CSMD1: variants seen among roughly 807,000 people sequenced by gnomAD.
CSMD1 encodes the protein CUB and Sushi multiple domains 1, also known as CUB and sushi domain-containing protein 1.
A neutral mutation model predicts 417.5 loss-of-function variants in CSMD1; 213 were observed. The ratio of observed to expected loss-of-function variants is 0.51; its 90% CI spans 0.46 to 0.57. CSMD1 has a LOEUF of 0.57. Ranked by LOEUF, CSMD1 falls within the 20% of genes least tolerant of loss-of-function variation. The pLI is 0.00. For missense variants in CSMD1, 6,923 were observed against 4,529.7 expected (o/e 1.53, Z -15.17); for synonymous variants, 2,862 against 1,736.8 (o/e 1.65, Z -16.11).
intron 1 of CSMD1, among the ~76,000 whole-genome samples, chr8:4,910,913 T>A (rs7008247): frequency 2.6e-5 from 4 of 151,942 alleles, no homozygotes; most frequent in African/African-American, 4.8e-5. Context: ...TGGGAGGTAA[T>A]TGAATCATGG....
intron 3 of CSMD1, among the ~76,000 whole-genome samples, chr8:4,092,527 T>C (rs542701240): frequency 9.8e-4 from 150 of 152,308 alleles, no homozygotes; most frequent in Non-Finnish European, 9.6e-4. Flanking sequence ...AAAAAAAGAA[T>C]AGAAGTATTT....
intron 6 of CSMD1, among the ~76,000 whole-genome samples, chr8:3,748,946 T>C (rs964172948): frequency 1.3e-5 from 2 of 152,202 alleles, no homozygotes; most frequent in Admixed American, 1.3e-4. Flanking sequence ...TACAAACACT[T>C]ACTTTCATGA....
intron 12 of CSMD1, among the ~76,000 whole-genome samples, chr8:3,441,076 G>A (rs866863777): frequency 3.9e-5 from 6 of 152,158 alleles, no homozygotes; most frequent in Non-Finnish European, 7.3e-5. Flanking sequence ...GGAGAAAACA[G>A]ACACCAAGAG....
At chr8:4,362,539 T>C (rs555131116) in intron 3 of CSMD1, among the ~76,000 whole-genome samples, 2 of 152,344 alleles carry the variant, frequency 1.3e-5, no homozygotes, top group East Asian at 1.9e-4. Flanking sequence ...ACAGGATCTT[T>C]AATTTATTGT....
intron 1 of CSMD1, among the ~76,000 whole-genome samples, chr8:4,990,368 C>CT (rs1414850902): frequency 4.4e-5 from 3 of 68,824 alleles, no homozygotes; most frequent in Admixed American, 1.9e-4. Context: ...AAGGGGTTCA[C>CT]ATTTTTTTTT....
chr8:4,666,646 T>C (rs1363382021), intron 1 of CSMD1, among the ~76,000 whole-genome samples: 2 of 152,170 alleles, frequency 1.3e-5, no homozygotes, highest in East Asian at 1.9e-4. Context: ...AACAGGAAAA[T>C]AGTAAATAAT....
intron 3 of CSMD1, among the ~76,000 whole-genome samples, chr8:4,229,971 C>A (rs1476349578): frequency 6.6e-6 from 1 of 152,124 alleles, no homozygotes; most frequent in East Asian, 1.9e-4. Flanking sequence ...CGTCCTAAAG[C>A]CGACATTATA....
At chr8:4,450,983 C>G (rs1044356077) in intron 2 of CSMD1, among the ~76,000 whole-genome samples, 2 of 151,440 alleles carry the variant, frequency 1.3e-5, no homozygotes, top group African/African-American at 2.4e-5. Flanking sequence ...TATTTGGGTA[C>G]TGAATTGACA....
intron 7 of CSMD1, among the ~76,000 whole-genome samples, chr8:3,685,540 G>C (rs73497620): frequency 1.3e-5 from 2 of 152,036 alleles, no homozygotes; most frequent in Non-Finnish European, 2.9e-5. Flanking sequence ...TATATAACAG[G>C]AAGAAAAATG....
At chr8:3,512,153 A>G (rs535492734) in intron 10 of CSMD1, among the ~76,000 whole-genome samples, 2 of 152,234 alleles carry the variant, frequency 1.3e-5, no homozygotes, top group African/African-American at 4.8e-5. Flanking sequence ...AGCACCAAAC[A>G]TGTCCTTGGC....
intron 2 of CSMD1, among the ~76,000 whole-genome samples, chr8:4,509,793 C>T (rs939022179): frequency 3.3e-5 from 5 of 152,248 alleles, no homozygotes; most frequent in South Asian, 2.1e-4. Context: ...CATTACCACC[C>T]CCATGACAGA....
At chr8:4,874,544 C>A (rs929374107) in intron 1 of CSMD1, among the ~76,000 whole-genome samples, 1 of 151,676 alleles carries the variant, frequency 6.6e-6, no homozygotes, top group Non-Finnish European at 1.5e-5. Flanking sequence ...TGCCTGCCAC[C>A]TCTCCCGGCT....
chr8:3,306,031 TTGCATTCTAGATA>T (rs1255330553), intron 25 of CSMD1, among the ~76,000 whole-genome samples: 1 of 152,096 alleles, frequency 6.6e-6, no homozygotes, highest in Non-Finnish European at 1.5e-5. Context: ...CCTAAGATGT[TTGCATTCTAGATA>T]TGCTTTAATT....
At chr8:3,900,154 A>T (rs1162343575) in intron 5 of CSMD1, among the ~76,000 whole-genome samples, 3 of 148,584 alleles carry the variant, frequency 2.0e-5, no homozygotes, top group African/African-American at 7.5e-5. Context: ...GTGCAGCTAG[A>T]TGACACCACA....
chr8:4,782,722 C>CA (rs371326935), intron 1 of CSMD1, among the ~76,000 whole-genome samples: 1 of 151,702 alleles, frequency 6.6e-6, no homozygotes. Flanking sequence ...AATTTGAATC[C>CA]AAAAAAATGA....
intron 3 of CSMD1, among the ~76,000 whole-genome samples, chr8:4,393,648 G>C (rs1175230450): frequency 6.6e-6 from 1 of 152,118 alleles, no homozygotes; most frequent in Non-Finnish European, 1.5e-5. Flanking sequence ...AAAGACGTGA[G>C]CACTAGCCCA....
chr8:3,837,836 A>C (rs1802808104), intron 5 of CSMD1, among the ~76,000 whole-genome samples: 2 of 152,164 alleles, frequency 1.3e-5, no homozygotes, highest in South Asian at 2.1e-4. Context: ...TAGTCGCAGG[A>C]AATTCTATTG....
chr8:4,452,134 C>G (rs1346502186), intron 2 of CSMD1, among the ~76,000 whole-genome samples: 1 of 152,098 alleles, frequency 6.6e-6, no homozygotes, highest in Non-Finnish European at 1.5e-5. Flanking sequence ...TGTACAAACA[C>G]CAGCTTTCAT....
At chr8:3,333,111 G>A (rs1284645058) in intron 23 of CSMD1, among the ~76,000 whole-genome samples, 1 of 152,170 alleles carries the variant, frequency 6.6e-6, no homozygotes, top group Non-Finnish European at 1.5e-5. Context: ...AAGGAGCTGG[G>A]AGTCTCAGTC....
Sources: gnomAD v4.1 joint callset for allele counts (sites outside exome capture counted in the v4.1 genomes callset) on GRCh38, gnomAD v4.1.1 for gene constraint, MANE v1.5 for transcripts, NCBI Gene and HGNC (gene_info 2026-07-23, HGNC 2026-07-21) for gene names.